ZFPM1: variants seen among roughly 807,000 people sequenced by gnomAD.
The protein encoded by ZFPM1 is zinc finger protein ZFPM1.
Under a neutral mutation model 46.3 loss-of-function variants are expected in ZFPM1, and 28 were observed. The ratio of observed to expected loss-of-function variants is 0.60; its 90% CI spans 0.45 to 0.83. The LOEUF is 0.83. Among genes scored for constraint, ZFPM1 ranks in the 40% least tolerant of loss-of-function variants. The pLI, the probability that ZFPM1 is intolerant of heterozygous loss-of-function variation, is 0.00. For missense variants in ZFPM1, 1,878 were observed against 1,432.4 expected (o/e 1.31, Z -5.02); for synonymous variants, 957 against 675.9 (o/e 1.42, Z -6.45).
At chr16:88,506,628 C>T (rs1458746938) in intron 3 of ZFPM1, among the ~76,000 whole-genome samples, 2 of 152,144 alleles carry the variant, frequency 1.3e-5, no homozygotes, top group African/African-American at 2.4e-5. Flanking sequence ...AGGGCCCAGA[C>T]GTATGTGACA....
At chr16:88,475,746 C>CCA (rs1908652159) in intron 1 of ZFPM1, among the ~76,000 whole-genome samples, 1 of 152,230 alleles carries the variant, frequency 6.6e-6, no homozygotes, top group Admixed American at 6.5e-5. Flanking sequence ...CTGCTGCCTA[C>CCA]CACTGTTAGT....
chr16:88,467,194 C>G (rs1243947828), intron 1 of ZFPM1, among the ~76,000 whole-genome samples: 1 of 152,150 alleles, frequency 6.6e-6, no homozygotes, highest in Non-Finnish European at 1.5e-5. Context: ...CCCTGTGATC[C>G]AAGAGTCTAC....
intron 3 of ZFPM1, 61 bp downstream of exon 3, chr16:88,489,214 G>T: frequency 2.0e-6 from 3 of 1,529,360 alleles, no homozygotes; most frequent in Non-Finnish European, 2.6e-6. Flanking sequence ...CCCGGCCCCT[G>T]GGAGCAGGGC....
At chr16:88,473,606 A>T (rs745459426) in intron 1 of ZFPM1, among the ~76,000 whole-genome samples, 1 of 151,960 alleles carries the variant, frequency 6.6e-6, no homozygotes, top group African/African-American at 2.4e-5. Context: ...GCCTCCACCC[A>T]TCTGACGCAG....
Position 88,471,299 on chromosome 16 carries a change from G to A in ZFPM1, c.41-14640G>A, listed in dbSNP as rs530283539. Among the ~76,000 whole-genome samples, 9 of 152,374 alleles carry A rather than the reference G, an allele frequency of 5.9e-5. No homozygotes were observed. The highest frequency in any genetic ancestry group is 9.6e-5 in the African/African-American group (4 of 41,588). On this transcript the variant is annotated intron_variant, in intron 1 of 9. Coordinates refer to ENST00000319555, the MANE Select transcript of ZFPM1 (RefSeq NM_153813.3). This position sits in a 1 kb window ranked among gnomAD's most constrained non-coding sequence, Gnocchi z 4.1. Reference sequence around the variant, plus strand: ...TCCACCCTCGCGAAGGCCAGCGGCCGCAGGGTCTGGCTTGGGCTATAGCAT... The same window carrying A: ...TCCACCCTCGCGAAGGCCAGCGGCCACAGGGTCTGGCTTGGGCTATAGCAT...
At chr16:88,514,553 C>T (rs1270619862) in intron 4 of ZFPM1, 33 bp downstream of exon 4, 9 of 1,537,674 alleles carry the variant, frequency 5.9e-6, no homozygotes, top group East Asian at 4.9e-5. Flanking sequence ...CCTGCCCGCC[C>T]ACCCCAATGC....
intron 1 of ZFPM1, among the ~76,000 whole-genome samples, chr16:88,479,734 C>T (rs1021815422): frequency 3.5e-4 from 52 of 149,722 alleles, no homozygotes; most frequent in African/African-American, 1.2e-3. Context: ...CCAGCAAGAC[C>T]AGGAGGCCAG....
At chr16:88,485,423 G>A (rs572445953) in intron 1 of ZFPM1, among the ~76,000 whole-genome samples, 3 of 150,780 alleles carry the variant, frequency 2.0e-5, no homozygotes, top group Non-Finnish European at 4.4e-5. Flanking sequence ...GTGGGGGTTC[G>A]TCAAGAATCA....
intron 1 of ZFPM1, among the ~76,000 whole-genome samples, chr16:88,461,320 C>G (rs1317044325): frequency 1.3e-5 from 2 of 151,898 alleles, no homozygotes; most frequent in Admixed American, 1.3e-4. Flanking sequence ...TCCCCAGGTT[C>G]CCACCCCATC....
intron 3 of ZFPM1, among the ~76,000 whole-genome samples, chr16:88,505,097 G>A (rs188763021): frequency 4.6e-5 from 7 of 152,262 alleles, no homozygotes; most frequent in African/African-American, 1.7e-4. Context: ...CAAGTTCACA[G>A]GCACCAGCTG....
intron 3 of ZFPM1, among the ~76,000 whole-genome samples, chr16:88,505,973 G>A (rs1022999108): frequency 3.3e-5 from 5 of 152,210 alleles, no homozygotes; most frequent in African/African-American, 1.2e-4. Context: ...AGGGTCTGAG[G>A]GTCTCAGGAA....
Position 88,497,363 on chromosome 16 carries a change from G to T in ZFPM1, c.268+8210G>T, listed in dbSNP as rs2142392692. ...CTGGCTCAGGGCCTGAGTTTCAAGT[G>T]GTCAGTGGTGGCTGGAACATCAGGG... is the stretch of plus-strand genomic sequence containing the variant. On this transcript the variant is annotated intron_variant, in intron 3 of 9. Coordinates refer to ENST00000319555, the MANE Select transcript of ZFPM1 (RefSeq NM_153813.3). The surrounding 1 kb of genome is among the most constrained non-coding windows in gnomAD (Gnocchi z 5.4). Among the ~76,000 whole-genome samples, 1 of 152,084 alleles carries T rather than the reference G, an allele frequency of 6.6e-6. No individual in the cohort carries two copies. Among genetic ancestry groups the T allele is most frequent in the African/African-American group, 2.4e-5 (1 of 41,488 alleles).
chr16:88,507,178 T>G (rs1214233019), intron 3 of ZFPM1, among the ~76,000 whole-genome samples: 1 of 152,152 alleles, frequency 6.6e-6, no homozygotes, highest in East Asian at 1.9e-4. Context: ...GGCTCGACTC[T>G]CCCATGCCAC....
At chr16:88,482,699 T>C (rs1316235220) in intron 1 of ZFPM1, among the ~76,000 whole-genome samples, 1 of 152,212 alleles carries the variant, frequency 6.6e-6, no homozygotes, top group African/African-American at 2.4e-5. Flanking sequence ...CTCCAGCCCA[T>C]TTGCCAGAGC....
intron 4 of ZFPM1, chr16:88,516,255 C>T (rs151086747): frequency 5.0e-6 from 2 of 398,584 alleles, no homozygotes; most frequent in Non-Finnish European, 4.4e-6. Context: ...GGGCTGGCAC[C>T]GGCCCAGGAG....
At chr16:88,482,215 A>G (rs1908977743) in intron 1 of ZFPM1, among the ~76,000 whole-genome samples, 1 of 151,976 alleles carries the variant, frequency 6.6e-6, no homozygotes, top group East Asian at 1.9e-4. Context: ...AGATGCCCCC[A>G]GCCACTGGGG....
chr16:88,529,081 G>A (rs946509831), intron 6 of ZFPM1, among the ~76,000 whole-genome samples: 3 of 152,228 alleles, frequency 2.0e-5, no homozygotes, highest in African/African-American at 4.8e-5. Flanking sequence ...GGAGTTCAAG[G>A]CCAGACTGGG....
intron 3 of ZFPM1, among the ~76,000 whole-genome samples, chr16:88,508,531 G>C (rs1208212404): frequency 2.0e-5 from 3 of 152,198 alleles, no homozygotes; most frequent in Non-Finnish European, 4.4e-5. Context: ...GTCTCTCCTG[G>C]GCACAGGCCC....
chr16:88,528,603 G>T (rs531433993), intron 6 of ZFPM1, among the ~76,000 whole-genome samples: 1 of 152,242 alleles, frequency 6.6e-6, no homozygotes, highest in Non-Finnish European at 1.5e-5. Context: ...CCTGGCGTCT[G>T]GGGCCAGGTC....
Sources: gnomAD v4.1 joint callset for allele counts (sites outside exome capture counted in the v4.1 genomes callset) on GRCh38, gnomAD v4.1.1 for gene constraint, Gnocchi (gnomAD v3.1) non-coding constraint, MANE v1.5 for transcripts, NCBI Gene and HGNC (gene_info 2026-07-23, HGNC 2026-07-21) for gene names.